The following RABGEF1 variants were observed in gnomAD, a reference collection of about 807,000 sequenced individuals.
The protein encoded by RABGEF1 is rab5 GDP/GTP exchange factor.
In RABGEF1, 26 loss-of-function variants were observed where a neutral mutation model predicts 57.3. The observed-to-expected ratio is 0.45, with a 90% CI of 0.33 to 0.63. RABGEF1 has a LOEUF of 0.63. RABGEF1 is among the 20% of genes least tolerant of loss of function. RABGEF1 has a pLI of 0.02. For synonymous variants in RABGEF1, 185 were observed against 210.7 expected (o/e 0.88, Z 1.06); for missense variants, 464 against 607.6 (o/e 0.76, Z 2.48).
intron 1 of RABGEF1, among the ~76,000 whole-genome samples, chr7:66,742,701 T>G (rs758281481): frequency 1.2e-4 from 19 of 152,214 alleles, no homozygotes; most frequent in Admixed American, 7.9e-4. Flanking sequence ...CAACTGCCTG[T>G]GCTGAAGTGA....
At chr7:66,661,160 G>A in the RABGEF1 span, among the ~76,000 whole-genome samples, 2 of 151,956 alleles carry the variant, frequency 1.3e-5, no homozygotes, top group African/African-American at 4.8e-5. Flanking sequence ...TTAGCCAGGC[G>A]CAGTGGCGGG....
In RABGEF1 at chr7:66,782,189, T is replaced by C. The variant is rs147519091; in HGVS notation, c.347-1486T>C. On this transcript the variant is annotated intron_variant, in intron 3 of 8. Transcript: ENST00000284957. Reference sequence around the variant, plus strand: ...TTAGAAAAGATGTTGCATTTTTTGTTTTAAATTAGATTGTACCTGATTTAT... The same window carrying C: ...TTAGAAAAGATGTTGCATTTTTTGTCTTAAATTAGATTGTACCTGATTTAT... 4.0e-4 allele frequency among the ~76,000 whole-genome samples: 61 copies of C among 152,324 alleles called. 2 individuals carry two copies. In the East Asian group the frequency reaches 0.01, roughly 26 times the overall value.
chr7:66,670,433 AT>A, the RABGEF1 span, among the ~76,000 whole-genome samples: 128 of 116,006 alleles, frequency 1.1e-3, no homozygotes, highest in African/African-American at 3.1e-3. Context: ...GAATGAGATG[AT>A]TTTTTTTTTT....
intron 1 of RABGEF1, among the ~76,000 whole-genome samples, chr7:66,710,989 AT>A (rs1356265971): frequency 6.6e-6 from 1 of 151,806 alleles, no homozygotes; most frequent in African/African-American, 2.4e-5. Context: ...CAAAAAAAAA[AT>A]AATAAAGGAA....
chr7:66,722,317 G>A (rs1298734280), intron 2 of RABGEF1, among the ~76,000 whole-genome samples: 2 of 152,196 alleles, frequency 1.3e-5, no homozygotes, highest in African/African-American at 2.4e-5. Context: ...GTGCGCGCCT[G>A]TAATCCCAGC....
chr7:66,680,856 C>A (rs754325492), upstream of RABGEF1, among the ~76,000 whole-genome samples: 1 of 151,962 alleles, frequency 6.6e-6, no homozygotes, highest in Non-Finnish European at 1.5e-5. Flanking sequence ...CCAAGGCGGG[C>A]GGATCACTTG....
chr7:66,681,101 T>C (rs1316156118), upstream of RABGEF1, among the ~76,000 whole-genome samples: 1 of 152,022 alleles, frequency 6.6e-6, no homozygotes, highest in Non-Finnish European at 1.5e-5. Context: ...AAAAGAAGAC[T>C]GAAAAATTGG....
chr7:66,792,955 G>T (rs1270615255), intron 4 of RABGEF1, among the ~76,000 whole-genome samples: 1 of 152,172 alleles, frequency 6.6e-6, no homozygotes, highest in African/African-American at 2.4e-5. Context: ...GCAGGGGTGA[G>T]TTCTTTTACA....
At chr7:66,729,306 C>T (rs543134826) in intron 2 of RABGEF1, among the ~76,000 whole-genome samples, 1 of 60,628 alleles carries the variant, frequency 1.6e-5, no homozygotes, top group East Asian at 4.4e-4. Flanking sequence ...TCCTCCCCTC[C>T]ATTCTTCGTT....
At chr7:66,773,833 G>C (rs1313635224) in intron 2 of RABGEF1, 1 of 420,360 alleles carries the variant, frequency 2.4e-6, no homozygotes, top group Non-Finnish European at 4.8e-6. Flanking sequence ...GCCCAGCTAA[G>C]TTTTGTATTT....
chr7:66,690,982 T>G (rs1288184421), intron 1 of RABGEF1, among the ~76,000 whole-genome samples: 1 of 151,116 alleles, frequency 6.6e-6, no homozygotes. Context: ...TCCCAGCTGC[T>G]TCGGAGGCTG....
intron 2 of RABGEF1, among the ~76,000 whole-genome samples, chr7:66,716,777 C>T (rs1216182871): frequency 1.3e-5 from 2 of 152,038 alleles, no homozygotes; most frequent in African/African-American, 4.8e-5. Context: ...TGTTTGCTCT[C>T]TTTTGTTTGT....
At chr7:66,737,073 T>TGAGAGAGAGAGAGTGAGAGA (rs1279802653), upstream of RABGEF1, among the ~76,000 whole-genome samples, 1 of 117,094 alleles carries the variant, frequency 8.5e-6, no homozygotes, top group Non-Finnish European at 1.8e-5. Flanking sequence ...AGAGAGAGAG[T>TGAGAGAGAGAGAGTGAGAGA]GAGAGAGAGA....
chr7:66,710,963 C>T (rs1241219901), intron 1 of RABGEF1, among the ~76,000 whole-genome samples: 1 of 151,074 alleles, frequency 6.6e-6, no homozygotes, highest in Admixed American at 6.6e-5. Context: ...GGCAACATAG[C>T]GAGACCCTGT....
At chr7:66,764,471 A>C (rs1386560403) in intron 1 of RABGEF1, among the ~76,000 whole-genome samples, 1 of 152,132 alleles carries the variant, frequency 6.6e-6, no homozygotes, top group Non-Finnish European at 1.5e-5. Context: ...GTTGGAGTAC[A>C]ATTTATCTGT....
chr7:66,731,908 G>A (rs1797361908), intron 2 of RABGEF1, among the ~76,000 whole-genome samples: 1 of 152,156 alleles, frequency 6.6e-6, no homozygotes, highest in South Asian at 2.1e-4. Flanking sequence ...TTCATCCGAC[G>A]CCCCTGAGAT....
intron 2 of RABGEF1, among the ~76,000 whole-genome samples, chr7:66,724,788 T>C (rs561300142): frequency 1.3e-5 from 2 of 152,340 alleles, no homozygotes; most frequent in East Asian, 3.9e-4. Context: ...CAATTATATG[T>C]GTGTTGGATG....
At chr7:66,734,914 C>T (rs756270950) in intron 2 of RABGEF1, among the ~76,000 whole-genome samples, 1 of 152,154 alleles carries the variant, frequency 6.6e-6, no homozygotes, top group South Asian at 2.1e-4. Flanking sequence ...AACTGCTCAC[C>T]ACATGGCCAA....
intron 6 of RABGEF1, 56 bp downstream of exon 6, chr7:66,797,562 C>T: frequency 6.4e-7 from 1 of 1,559,208 alleles, no homozygotes; most frequent in Admixed American, 1.9e-5. Context: ...GAAGAACACA[C>T]TGGGGGGAAA....
Sources: allele counts gnomAD v4.1 joint callset (sites outside exome capture counted in the v4.1 genomes callset), GRCh38; gene constraint gnomAD v4.1.1; transcripts MANE v1.5; gene names NCBI Gene and HGNC (gene_info 2026-07-23, HGNC 2026-07-21).